CACNA2D1: variants seen among roughly 807,000 people sequenced by gnomAD.
CACNA2D1 encodes voltage-dependent calcium channel subunit alpha-2/delta-1.
A neutral mutation model predicts 171.5 loss-of-function variants in CACNA2D1; 53 were observed. That is an observed-to-expected ratio of 0.31 (90% CI 0.25 to 0.39). The LOEUF (loss-of-function observed/expected upper bound fraction) is 0.39. CACNA2D1 is among the 10% of genes least tolerant of loss of function. The probability of loss-of-function intolerance (pLI) is 1.00; values close to 1 mark genes in which losing one functional copy is unlikely to be tolerated. For missense variants in CACNA2D1, 903 were observed against 1,299.8 expected (o/e 0.69, Z 4.69); for synonymous variants, 442 against 443.1 (o/e 1.00, Z 0.03).
chr7:82,383,306 T>C (rs1823916528), intron 1 of CACNA2D1, among the ~76,000 whole-genome samples: 1 of 152,192 alleles, frequency 6.6e-6, no homozygotes, highest in African/African-American at 2.4e-5. Context: ...CCAAGGATGC[T>C]TGTAGGCAAG....
chr7:81,958,183 T>TG (rs1793664721), intron 38 of CACNA2D1, among the ~76,000 whole-genome samples: 1 of 152,108 alleles, frequency 6.6e-6, no homozygotes, highest in Non-Finnish European at 1.5e-5. Flanking sequence ...TAACTGGGAT[T>TG]GACTGGCTAA....
At chr7:82,112,352 G>A (rs538264763) in intron 6 of CACNA2D1, among the ~76,000 whole-genome samples, 1 of 152,140 alleles carries the variant, frequency 6.6e-6, no homozygotes, top group Non-Finnish European at 1.5e-5. Context: ...GAACTGAATG[G>A]TCTACCAAAA....
At chr7:82,181,151 G>A (rs560277110) in intron 3 of CACNA2D1, among the ~76,000 whole-genome samples, 9 of 134,962 alleles carry the variant, frequency 6.7e-5, no homozygotes, top group South Asian at 4.8e-4. Context: ...TAACCAGGCC[G>A]AAAGTAATGG....
intron 4 of CACNA2D1, among the ~76,000 whole-genome samples, chr7:82,138,507 C>T (rs258708): frequency 0.093 from 13,404 of 144,030 alleles, 723 homozygotes; most frequent in Middle Eastern, 0.25. Context: ...AGTGCAGTGG[C>T]GCGATCTCGG....
At chr7:82,404,497 C>T (rs1169173127) in intron 1 of CACNA2D1, among the ~76,000 whole-genome samples, 1 of 152,144 alleles carries the variant, frequency 6.6e-6, no homozygotes, top group African/African-American at 2.4e-5. Flanking sequence ...TGTTAACTAG[C>T]TTAAGTTTTC....
chr7:82,429,262 A>G (rs781660798), intron 1 of CACNA2D1, among the ~76,000 whole-genome samples: 2 of 152,178 alleles, frequency 1.3e-5, no homozygotes, highest in African/African-American at 2.4e-5. Context: ...TCATTATAAT[A>G]TATATTTGAT....
At chr7:82,192,689 G>A (rs1022746553) in intron 3 of CACNA2D1, among the ~76,000 whole-genome samples, 3 of 151,104 alleles carry the variant, frequency 2.0e-5, no homozygotes, top group Non-Finnish European at 3.0e-5. Flanking sequence ...TGTCTTCTAT[G>A]CAATACTCTC....
intron 1 of CACNA2D1, among the ~76,000 whole-genome samples, chr7:82,374,789 C>T (rs199811560): frequency 1.3e-4 from 3 of 22,944 alleles, no homozygotes; most frequent in East Asian, 3.1e-3. Flanking sequence ...AAAATGCCCC[C>T]CAAAAAAAGA....
At chr7:82,375,631 T>C (rs944139025) in intron 1 of CACNA2D1, among the ~76,000 whole-genome samples, 5 of 152,240 alleles carry the variant, frequency 3.3e-5, no homozygotes, top group African/African-American at 4.8e-5. Flanking sequence ...CTTACAATTC[T>C]GTATTTTTTT....
At chr7:82,214,840 A>G (rs145050908) in intron 3 of CACNA2D1, among the ~76,000 whole-genome samples, 108 of 152,328 alleles carry the variant, frequency 7.1e-4, no homozygotes, top group African/African-American at 2.3e-3. Context: ...AAGTTAAACT[A>G]TTATGAAGTA....
At chr7:82,071,540 T>C (rs757594616) in intron 7 of CACNA2D1, among the ~76,000 whole-genome samples, 3 of 152,172 alleles carry the variant, frequency 2.0e-5, no homozygotes, top group Non-Finnish European at 4.4e-5. Flanking sequence ...TCCTACCTGA[T>C]GGAGAGAACT....
In CACNA2D1 at chr7:82,038,062, T is replaced by G. The variant is rs775381880; in HGVS notation, c.1038+15A>C. On this transcript the variant is annotated intron_variant, in intron 11 of 38. Transcript: ENST00000356860. ...TGAACAACAACAACAACAAAAGACA[T>G]AGCATGATACTTACATTAAGCAGCT... The G allele has an allele frequency of 6.2e-7, 1 of 1,611,288 alleles. No individual in the cohort carries two copies.
chr7:82,010,111 A>G (rs1724629774), intron 15 of CACNA2D1, among the ~76,000 whole-genome samples: 1 of 152,096 alleles, frequency 6.6e-6, no homozygotes, highest in Non-Finnish European at 1.5e-5. Context: ...CATTTTCTTA[A>G]CCACAACCCA....
chr7:82,365,164 G>A (rs774358995), intron 1 of CACNA2D1, among the ~76,000 whole-genome samples: 1 of 152,130 alleles, frequency 6.6e-6, no homozygotes, highest in Non-Finnish European at 1.5e-5. Context: ...GACTAGAAAG[G>A]AACGCACATT....
intron 1 of CACNA2D1, among the ~76,000 whole-genome samples, chr7:82,420,028 A>T (rs1409932905): frequency 6.6e-6 from 1 of 152,146 alleles, no homozygotes; most frequent in Non-Finnish European, 1.5e-5. Context: ...CCGCCCTTCC[A>T]CTTCAAAGAA....
intron 4 of CACNA2D1, among the ~76,000 whole-genome samples, chr7:82,170,221 CA>C (rs1216460682): frequency 1.5e-4 from 23 of 151,702 alleles, no homozygotes; most frequent in East Asian, 1.4e-3. Flanking sequence ...ATAATATCGA[CA>C]AAAATTATTC....
intron 22 of CACNA2D1, among the ~76,000 whole-genome samples, chr7:81,983,888 C>CT (rs1446991286): frequency 6.6e-6 from 1 of 152,060 alleles, no homozygotes; most frequent in Admixed American, 6.6e-5. Context: ...TTTTGGTATT[C>CT]TTTTGTATTT....
chr7:82,274,420 T>A (rs2129356859), intron 3 of CACNA2D1, among the ~76,000 whole-genome samples: 1 of 152,324 alleles, frequency 6.6e-6, no homozygotes, highest in East Asian at 1.9e-4. Context: ...TACTACTGTA[T>A]CCCTAGTTCC....
At chr7:81,962,831 T>G (rs1035964334) in intron 34 of CACNA2D1, among the ~76,000 whole-genome samples, 1 of 152,054 alleles carries the variant, frequency 6.6e-6, no homozygotes, top group Non-Finnish European at 1.5e-5. Flanking sequence ...TTACGTCTCC[T>G]TATTTTAGTT....
Sources: allele counts gnomAD v4.1 joint callset (sites outside exome capture counted in the v4.1 genomes callset), GRCh38; gene constraint gnomAD v4.1.1; transcripts MANE v1.5; gene names NCBI Gene and HGNC (gene_info 2026-07-23, HGNC 2026-07-21).